MBNL2: variants seen among roughly 807,000 people sequenced by gnomAD.
MBNL2 encodes muscleblind like splicing regulator 2, also known as muscleblind-like protein 2.
MBNL2 carries 17 observed loss-of-function variants against 41.9 expected under a neutral mutation model. The ratio of observed to expected loss-of-function variants is 0.41; its 90% CI spans 0.28 to 0.61. The LOEUF is 0.61. MBNL2 is among the 20% of genes least tolerant of loss of function. The pLI, the probability that MBNL2 is intolerant of heterozygous loss-of-function variation, is 0.35. For missense variants in MBNL2, 336 were observed against 505.6 expected (o/e 0.66, Z 3.22); for synonymous variants, 195 against 182.9 (o/e 1.07, Z -0.53).
intron 2 of MBNL2, among the ~76,000 whole-genome samples, chr13:97,309,921 G>A (rs906721296): frequency 5.9e-5 from 9 of 152,190 alleles, no homozygotes; most frequent in Non-Finnish European, 1.3e-4. Context: ...GAAAAAATAA[G>A]ATCGAGAATA....
rs2063094566 is a variant in MBNL2, at chr13:97,357,546, C to T, written c.923C>T (p.Thr308Ile). Residue 308 changes from threonine to isoleucine, a missense_variant, in exon 7 of 9, where the codon ACC becomes ATC. Coordinates refer to ENST00000679496, the MANE Select transcript of MBNL2 (RefSeq NM_001382683.1). ...CAAGCACTTGAAAAAAGCAATGGTACCAGCGCGGTCTTTAACCCCAGCGTC... is the reference window on the plus strand; with the variant it reads ...CAAGCACTTGAAAAAAGCAATGGTATCAGCGCGGTCTTTAACCCCAGCGTC... ...KRQALEKSNG[T>I]SAVFNPSVLH... is the part of the protein sequence containing the mutation. 1 of 1,614,064 alleles carries T rather than the reference C, an allele frequency of 6.2e-7. No homozygotes were observed. The highest frequency in any genetic ancestry group is 1.3e-5 in the African/African-American group (1 of 75,042).
chr13:97,357,690 T>G, intron 7 of MBNL2, 55 bp downstream of exon 7: 1 of 1,555,514 alleles, frequency 6.4e-7, no homozygotes, highest in Non-Finnish European at 8.8e-7. Context: ...TGCTTTCTTC[T>G]CATTTCTCTA....
At chr13:97,316,619 G>T (rs562627906) in intron 2 of MBNL2, among the ~76,000 whole-genome samples, 1 of 152,164 alleles carries the variant, frequency 6.6e-6, no homozygotes, top group Non-Finnish European at 1.5e-5. Flanking sequence ...AGTGCTGGCT[G>T]TTCTCTCTGC....
rs184778627 is a variant in MBNL2, at chr13:97,374,748, C to T, written c.1048+9577C>T. Among the ~76,000 whole-genome samples the T allele has an allele frequency of 5.9e-5, 9 of 151,982 alleles. No individual in the cohort carries two copies. In the East Asian group the frequency reaches 1.5e-3, roughly 26 times the overall value. On this transcript the variant is annotated intron_variant, in intron 8 of 8. Transcript: ENST00000679496. ...TTTTATAGGCTGAAAAGTCATATTC[C>T]CAGTCGTATTTTGGCTTTTGTTGAT...
chr13:97,149,253 T>C, the MBNL2 span, among the ~76,000 whole-genome samples: 1 of 152,178 alleles, frequency 6.6e-6, no homozygotes, highest in Non-Finnish European at 1.5e-5. Flanking sequence ...TGTTCGGGCT[T>C]CAGATGGAAG....
intron 1 of MBNL2, among the ~76,000 whole-genome samples, chr13:97,226,322 G>A (rs907923341): frequency 1.3e-5 from 2 of 152,180 alleles, no homozygotes; most frequent in Admixed American, 1.3e-4. Flanking sequence ...TAATAAAAGT[G>A]GACTCAATAA....
At chr13:97,195,811 G>T in the MBNL2 span, among the ~76,000 whole-genome samples, 1 of 152,120 alleles carries the variant, frequency 6.6e-6, no homozygotes, top group African/African-American at 2.4e-5. Flanking sequence ...ACATGGTGAG[G>T]ATCCATTTTA....
chr13:97,274,061 C>CA (rs35380450), intron 1 of MBNL2, among the ~76,000 whole-genome samples: 14 of 149,992 alleles, frequency 9.3e-5, no homozygotes, highest in South Asian at 2.1e-4. Context: ...AACTCCGTCT[C>CA]AAAAAAAAGA....
intron 1 of MBNL2, among the ~76,000 whole-genome samples, chr13:97,264,547 A>G (rs1034148253): frequency 1.3e-5 from 2 of 152,218 alleles, no homozygotes; most frequent in African/African-American, 2.4e-5. Flanking sequence ...TTTATTGTAT[A>G]AAGTAGCTTT....
At chr13:97,250,020 C>T (rs1408469822) in intron 1 of MBNL2, among the ~76,000 whole-genome samples, 2 of 152,204 alleles carry the variant, frequency 1.3e-5, no homozygotes, top group Non-Finnish European at 2.9e-5. Context: ...ACACGGAAGT[C>T]TGGTTGGTTC....
chr13:97,174,447 G>T, the MBNL2 span, among the ~76,000 whole-genome samples: 2 of 152,162 alleles, frequency 1.3e-5, no homozygotes, highest in African/African-American at 2.4e-5. Context: ...CAGAAACAAG[G>T]TCTACAATGA....
chr13:97,164,872 G>T, the MBNL2 span, among the ~76,000 whole-genome samples: 2 of 152,136 alleles, frequency 1.3e-5, no homozygotes, highest in Non-Finnish European at 2.9e-5. Context: ...TTCCTGTGGG[G>T]CTGAATCGAG....
intron 2 of MBNL2, among the ~76,000 whole-genome samples, chr13:97,288,651 A>G (rs1423961141): frequency 6.6e-6 from 1 of 152,182 alleles, no homozygotes; most frequent in Non-Finnish European, 1.5e-5. Flanking sequence ...CAATTTTTCC[A>G]TTAACTGACC....
At chr13:97,253,963 C>T (rs1250107172) in intron 1 of MBNL2, among the ~76,000 whole-genome samples, 1 of 152,020 alleles carries the variant, frequency 6.6e-6, no homozygotes, top group Middle Eastern at 3.2e-3. Context: ...GATCTTCGCT[C>T]ACTGCAACCT....
At chr13:97,326,524 CAG>C in intron 2 of MBNL2, among the ~76,000 whole-genome samples, 1 of 152,256 alleles carries the variant, frequency 6.6e-6, no homozygotes, top group East Asian at 1.9e-4. Flanking sequence ...AAATAATAAA[CAG>C]AAAGAGCTTA....
chr13:97,287,994 G>C (rs1469920691), intron 2 of MBNL2, among the ~76,000 whole-genome samples: 3 of 143,018 alleles, frequency 2.1e-5, no homozygotes, highest in East Asian at 4.1e-4. Context: ...GGTTGGTCTC[G>C]AACTCCTGAC....
intron 2 of MBNL2, among the ~76,000 whole-genome samples, chr13:97,296,479 T>C (rs1468489152): frequency 6.6e-6 from 1 of 152,078 alleles, no homozygotes; most frequent in Non-Finnish European, 1.5e-5. Flanking sequence ...AAACTGTTTT[T>C]CCCCCCAGAG....
intron 4 of MBNL2, among the ~76,000 whole-genome samples, chr13:97,344,440 G>A (rs1353640014): frequency 6.6e-6 from 1 of 152,184 alleles, no homozygotes; most frequent in Non-Finnish European, 1.5e-5. Context: ...CTGTTAGTGG[G>A]ATTATTAGAG....
chr13:97,260,263 GCAGT>G (rs2048350357), intron 1 of MBNL2, among the ~76,000 whole-genome samples: 1 of 152,206 alleles, frequency 6.6e-6, no homozygotes, highest in Admixed American at 6.5e-5. Flanking sequence ...TACTGAAGGA[GCAGT>G]CAAAGGCCAG....
Sources: allele counts gnomAD v4.1 joint callset (sites outside exome capture counted in the v4.1 genomes callset), GRCh38; gene constraint gnomAD v4.1.1; transcripts MANE v1.5; gene names NCBI Gene and HGNC (gene_info 2026-07-23, HGNC 2026-07-21).